PIK3AP1: variants seen among roughly 807,000 people sequenced by gnomAD.
The protein encoded by PIK3AP1 is phosphoinositide 3-kinase adapter protein 1.
PIK3AP1 carries 21 observed loss-of-function variants against 88.1 expected under a neutral mutation model. That is an observed-to-expected ratio of 0.24 (90% CI 0.17 to 0.34). The LOEUF (loss-of-function observed/expected upper bound fraction) is 0.34, where lower values mean the gene tolerates loss of function less well. Ranked by LOEUF, PIK3AP1 falls within the 10% of genes least tolerant of loss-of-function variation. PIK3AP1 has a pLI of 1.00. For synonymous variants in PIK3AP1, 398 were observed against 400.0 expected, an observed-to-expected ratio of 1.00 and a Z score of 0.06; for missense variants, 828 against 1,035.7, an observed-to-expected ratio of 0.80 and a Z score of 2.75.
Position 96,652,340 on chromosome 10 carries a change from G to A in PIK3AP1, c.712+358C>T, listed in dbSNP as rs534450743. Among the ~76,000 whole-genome samples, 11 of 152,272 alleles carry A rather than the reference G, an allele frequency of 7.2e-5. 1 individual carries two copies. In the East Asian group the frequency reaches 9.6e-4, roughly 13 times the overall value. On this transcript the variant is annotated intron_variant, in intron 4 of 16. Transcript: ENST00000339364. ...CTGTAATCCAGCATTTTGGGAGGCC[G>A]AGGCGGGTGGATCATGAGGTCAGGA...
chr10:96,662,379 A>G (rs1397005703), intron 2 of PIK3AP1, among the ~76,000 whole-genome samples: 3 of 151,798 alleles, frequency 2.0e-5, no homozygotes, highest in Admixed American at 1.3e-4. Context: ...AGGCGGGTGG[A>G]TCACCTGAGG....
At chr10:96,625,307 G>A (rs2134206048) in intron 10 of PIK3AP1, among the ~76,000 whole-genome samples, 1 of 152,256 alleles carries the variant, frequency 6.6e-6, no homozygotes, top group East Asian at 1.9e-4. Flanking sequence ...CAGGCTGCAA[G>A]ACACAGATGC....
At chr10:96,692,149 G>C (rs1485921657) in intron 2 of PIK3AP1, among the ~76,000 whole-genome samples, 1 of 152,212 alleles carries the variant, frequency 6.6e-6, no homozygotes, top group Admixed American at 6.5e-5. Flanking sequence ...CCATACAGAT[G>C]CTTTCCAATA....
intron 2 of PIK3AP1, among the ~76,000 whole-genome samples, chr10:96,686,229 GAACT>G (rs1441931152): frequency 5.3e-5 from 8 of 152,162 alleles, no homozygotes; most frequent in Non-Finnish European, 1.0e-4. Flanking sequence ...CTTCAGCGGA[GAACT>G]AACTAAAATA....
intron 14 of PIK3AP1, 103 bp downstream of exon 14, chr10:96,609,609 A>C (rs1310683568): frequency 3.7e-6 from 5 of 1,360,704 alleles, no homozygotes; most frequent in Non-Finnish European, 5.0e-6. Context: ...ACCAGGCCCC[A>C]CTGGAGATCT....
intron 2 of PIK3AP1, among the ~76,000 whole-genome samples, chr10:96,661,499 C>A (rs150831561): frequency 1.3e-5 from 2 of 152,258 alleles, no homozygotes; most frequent in African/African-American, 4.8e-5. Context: ...ATGTGCCACT[C>A]TGGTGCTGGA....
At chr10:96,604,812 G>T (rs1251471060) in intron 14 of PIK3AP1, among the ~76,000 whole-genome samples, 1 of 152,146 alleles carries the variant, frequency 6.6e-6, no homozygotes, top group Non-Finnish European at 1.5e-5. Flanking sequence ...GTAATAAGGG[G>T]CCGGACCCTT....
At chr10:96,628,889 C>CATACATAT (rs1843193791) in intron 8 of PIK3AP1, among the ~76,000 whole-genome samples, 3 of 60,842 alleles carry the variant, frequency 4.9e-5, no homozygotes, top group South Asian at 6.5e-4. Flanking sequence ...TATATATATA[C>CATACATAT]ATATATATAT....
chr10:96,603,248 C>T (rs534921005), intron 15 of PIK3AP1, among the ~76,000 whole-genome samples: 1 of 152,182 alleles, frequency 6.6e-6, no homozygotes, highest in Non-Finnish European at 1.5e-5. Context: ...TGTTGTGCAG[C>T]CTCTATCTAG....
intron 2 of PIK3AP1, among the ~76,000 whole-genome samples, chr10:96,667,495 T>C (rs2134250035): frequency 6.6e-6 from 1 of 152,268 alleles, no homozygotes; most frequent in East Asian, 1.9e-4. Flanking sequence ...TTGGTATCAT[T>C]CCACACATTT....
chr10:96,690,387 T>G lies in PIK3AP1; in HGVS notation c.430+19180A>C, dbSNP rs144345206. On this transcript the variant is annotated intron_variant, in intron 2 of 16. Coordinates refer to ENST00000339364, the MANE Select transcript of PIK3AP1 (RefSeq NM_152309.3). ...AAGTGATCCTCCCACCTCAGCCTCC[T>G]GAGTAGCTGGGACTATAGGTGTGCA... is the stretch of plus-strand genomic sequence containing the variant. 1.4e-3 allele frequency among the ~76,000 whole-genome samples: 214 copies of G among 152,256 alleles called. 1 individual carries two copies. The highest frequency in any genetic ancestry group is 5.0e-3 in the African/African-American group (207 of 41,572).
intron 2 of PIK3AP1, among the ~76,000 whole-genome samples, chr10:96,685,835 C>T (rs917016895): frequency 1.3e-5 from 2 of 152,138 alleles, no homozygotes; most frequent in Non-Finnish European, 2.9e-5. Flanking sequence ...ACATGTGTGC[C>T]CATCCCTGCT....
intron 8 of PIK3AP1, among the ~76,000 whole-genome samples, chr10:96,639,117 C>T (rs1330955852): frequency 6.6e-6 from 1 of 152,132 alleles, no homozygotes; most frequent in Non-Finnish European, 1.5e-5. Flanking sequence ...AAAGAAAAGG[C>T]AGCTTGTAGT....
At chr10:96,678,012 G>A (rs1423631440) in intron 2 of PIK3AP1, among the ~76,000 whole-genome samples, 1 of 152,110 alleles carries the variant, frequency 6.6e-6, no homozygotes, top group Non-Finnish European at 1.5e-5. Context: ...TGCCAAAACT[G>A]GAGTGTAGTG....
At chr10:96,619,104 T>C (rs1350765072) in intron 12 of PIK3AP1, among the ~76,000 whole-genome samples, 1 of 152,258 alleles carries the variant, frequency 6.6e-6, no homozygotes. Flanking sequence ...GCCTCAGTTT[T>C]CTGTAGAACA....
At chr10:96,643,942 A>G (rs1843424929) in intron 8 of PIK3AP1, among the ~76,000 whole-genome samples, 1 of 152,180 alleles carries the variant, frequency 6.6e-6, no homozygotes. Flanking sequence ...AACCAGAGGG[A>G]AGGAGGGCTA....
intron 2 of PIK3AP1, among the ~76,000 whole-genome samples, chr10:96,705,941 T>A (rs539796138): frequency 1.2e-3 from 165 of 133,388 alleles, no homozygotes; most frequent in African/African-American, 4.4e-3. Flanking sequence ...TCACTCAGGC[T>A]GGAGTGCAGT....
At chr10:96,628,887 T>TATAC (rs1564961201) in intron 8 of PIK3AP1, among the ~76,000 whole-genome samples, 8 of 40,966 alleles carry the variant, frequency 2.0e-4, no homozygotes, top group African/African-American at 7.6e-4. Context: ...TATATATATA[T>TATAC]ACATATATAT....
chr10:96,619,831 T>G (rs1843052436), intron 12 of PIK3AP1, among the ~76,000 whole-genome samples: 1 of 152,230 alleles, frequency 6.6e-6, no homozygotes, highest in Non-Finnish European at 1.5e-5. Flanking sequence ...TCCTTGCATT[T>G]ATATACATGT....
Sources: allele counts gnomAD v4.1 joint callset (sites outside exome capture counted in the v4.1 genomes callset), GRCh38; gene constraint gnomAD v4.1.1; transcripts MANE v1.5; gene names NCBI Gene and HGNC (gene_info 2026-07-23, HGNC 2026-07-21).